The following DOCK3 variants were observed in gnomAD, a reference collection of about 807,000 sequenced individuals.
The protein encoded by DOCK3 is dedicator of cytokinesis protein 3.
A neutral mutation model predicts 265.6 loss-of-function variants in DOCK3; 60 were observed. That is an observed-to-expected ratio of 0.23 (90% confidence interval 0.18 to 0.28). The LOEUF (loss-of-function observed/expected upper bound fraction) is 0.28. Among genes scored for constraint, DOCK3 ranks in the 10% least tolerant of loss-of-function variants. DOCK3 has a pLI of 1.00. For synonymous variants in DOCK3, 881 were observed against 938.0 expected (o/e 0.94, Z 1.11); for missense variants, 1,981 against 2,594.3 (o/e 0.76, Z 5.14).
intron 5 of DOCK3, among the ~76,000 whole-genome samples, chr3:51,061,358 T>C (rs1323734945): frequency 1.3e-5 from 2 of 152,132 alleles, no homozygotes; most frequent in Non-Finnish European, 2.9e-5. Context: ...GTGGCACATA[T>C]ACACCATTGA....
intron 5 of DOCK3, among the ~76,000 whole-genome samples, chr3:51,051,695 T>C (rs771961460): frequency 5.3e-5 from 8 of 152,192 alleles, no homozygotes; most frequent in Non-Finnish European, 1.0e-4. Context: ...TAAAGGAATA[T>C]GTGAGATTGG....
chr3:51,080,096 G>A (rs2082176794), intron 7 of DOCK3, among the ~76,000 whole-genome samples: 1 of 152,158 alleles, frequency 6.6e-6, no homozygotes, highest in Admixed American at 6.5e-5. Context: ...ATTCTGACTA[G>A]ATATGCCTTA....
chr3:51,248,382 A>T (rs1342746231), intron 22 of DOCK3, among the ~76,000 whole-genome samples: 1 of 152,092 alleles, frequency 6.6e-6, no homozygotes, highest in Non-Finnish European at 1.5e-5. Context: ...TTTGGTGGAG[A>T]CGGGGTTTCG....
intron 5 of DOCK3, among the ~76,000 whole-genome samples, chr3:51,010,404 G>T (rs2078897072): frequency 6.6e-6 from 1 of 151,880 alleles, no homozygotes; most frequent in Admixed American, 6.6e-5. Context: ...ATCTTTGTTG[G>T]TTTAAAGTCT....
Position 51,016,662 on chromosome 3 carries a change from TTA to T in DOCK3, c.316-47782_316-47781del, listed in dbSNP as rs1181164049. Among the ~76,000 whole-genome samples, 7 of 61,836 alleles carry T rather than the reference TTA, an allele frequency of 1.1e-4. No individual in the cohort carries two copies. In the East Asian group the frequency reaches 1.5e-3, roughly 13 times the overall value. The allele number at this position is 61,836 out of a possible 152,430, so 40.6% of individuals were successfully genotyped here. On this transcript the variant is annotated intron_variant, in intron 5 of 52. Transcript: ENST00000266037. The stretch of plus-strand genomic sequence containing the variant: ...ATATATATTTATATGTTTATATATA[TTA>T]TATGATATATATTTATATATCATAT...
intron 9 of DOCK3, among the ~76,000 whole-genome samples, chr3:51,099,227 A>G (rs961631714): frequency 4.6e-5 from 7 of 152,232 alleles, no homozygotes; most frequent in African/African-American, 7.2e-5. Flanking sequence ...CATTAAAGTG[A>G]AAGTCTTTTG....
chr3:51,024,607 C>T (rs2079737856), intron 5 of DOCK3, among the ~76,000 whole-genome samples: 2 of 152,200 alleles, frequency 1.3e-5, no homozygotes, highest in African/African-American at 4.8e-5. Flanking sequence ...AGTGTTCTGG[C>T]TGTTCAGATC....
At chr3:51,261,979 G>A (rs2079876626) in intron 23 of DOCK3, among the ~76,000 whole-genome samples, 1 of 152,176 alleles carries the variant, frequency 6.6e-6, no homozygotes, top group Admixed American at 6.5e-5. Context: ...GGGCAGCTGT[G>A]GGCACAGCTT....
chr3:51,012,687 G>A (rs1455064877), intron 5 of DOCK3, among the ~76,000 whole-genome samples: 8 of 152,080 alleles, frequency 5.3e-5, no homozygotes, highest in African/African-American at 1.9e-4. Context: ...CCAATGAGAT[G>A]AACCTGGTAC....
At chr3:50,831,936 A>G (rs1036415640) in intron 2 of DOCK3, among the ~76,000 whole-genome samples, 12 of 152,162 alleles carry the variant, frequency 7.9e-5, no homozygotes, top group Admixed American at 5.2e-4. Flanking sequence ...CTGGTGTGAC[A>G]TGGTATCTCA....
chr3:50,901,030 G>A (rs1443213369), intron 4 of DOCK3: 1 of 343,766 alleles, frequency 2.9e-6, no homozygotes, highest in Non-Finnish European at 5.6e-6. Flanking sequence ...CCTCTCTTCA[G>A]AACAGACAGG....
intron 1 of DOCK3, among the ~76,000 whole-genome samples, chr3:50,706,796 T>C (rs2036441481): frequency 6.6e-6 from 1 of 152,086 alleles, no homozygotes; most frequent in African/African-American, 2.4e-5. Context: ...TATTCTTTTT[T>C]TTTTGATCTG....
At chr3:51,266,923 A>G (rs2080206439) in intron 23 of DOCK3, among the ~76,000 whole-genome samples, 1 of 152,226 alleles carries the variant, frequency 6.6e-6, no homozygotes, top group Non-Finnish European at 1.5e-5. Flanking sequence ...TTTGCCATCT[A>G]TCCATCTGAC....
chr3:50,860,847 T>C (rs1165514569), intron 3 of DOCK3, among the ~76,000 whole-genome samples: 1 of 152,250 alleles, frequency 6.6e-6, no homozygotes, highest in Non-Finnish European at 1.5e-5. Context: ...AAGTGGGGCC[T>C]GCAGGCCGTT....
chr3:50,680,335 C>T (rs1211227734), intron 1 of DOCK3, among the ~76,000 whole-genome samples: 1 of 150,902 alleles, frequency 6.6e-6, no homozygotes, highest in Admixed American at 6.6e-5. Flanking sequence ...TCTCAGCCTT[C>T]TGAGTAGCTG....
chr3:50,810,275 G>A (rs2043664383), intron 2 of DOCK3, among the ~76,000 whole-genome samples: 1 of 152,146 alleles, frequency 6.6e-6, no homozygotes, highest in Non-Finnish European at 1.5e-5. Context: ...AGCTGGCGGG[G>A]TGCGGTGGCT....
chr3:51,223,481 A>G (rs995070071), intron 14 of DOCK3, among the ~76,000 whole-genome samples: 1 of 152,160 alleles, frequency 6.6e-6, no homozygotes, highest in African/African-American at 2.4e-5. Context: ...TGAAGCACCT[A>G]TTCTTTAGAT....
At chr3:51,114,599 G>A (rs1229819104) in intron 9 of DOCK3, among the ~76,000 whole-genome samples, 6 of 152,190 alleles carry the variant, frequency 3.9e-5, no homozygotes, top group African/African-American at 1.4e-4. Context: ...TAGAAGTTTG[G>A]TGAAAAACAA....
intron 5 of DOCK3, among the ~76,000 whole-genome samples, chr3:51,028,058 G>C (rs2108928959): frequency 6.6e-6 from 1 of 152,196 alleles, no homozygotes; most frequent in Admixed American, 6.5e-5. Context: ...TTGTGCTTTT[G>C]TGTAGCAAGT....
Sources: allele counts gnomAD v4.1 joint callset (sites outside exome capture counted in the v4.1 genomes callset), GRCh38; gene constraint gnomAD v4.1.1; transcripts MANE v1.5; gene names NCBI Gene and HGNC (gene_info 2026-07-23, HGNC 2026-07-21).